Variants in EML1 observed in about 807,000 individuals in gnomAD.
The protein encoded by EML1 is EMAP like 1.
Under a neutral mutation model 110.4 loss-of-function variants are expected in EML1, and 27 were observed. The observed-to-expected ratio is 0.24, with a 90% confidence interval of 0.18 to 0.34. The LOEUF is 0.34. Among genes scored for constraint, EML1 ranks in the 10% least tolerant of loss-of-function variants. The pLI, the probability that EML1 is intolerant of heterozygous loss-of-function variation, is 1.00. For synonymous variants in EML1, 344 were observed against 385.8 expected (o/e 0.89, Z 1.27); for missense variants, 741 against 1,030.9 (o/e 0.72, Z 3.85).
Position 99,918,801 on chromosome 14 carries a change from C to T in EML1, c.1820+952C>T, listed in dbSNP as rs143643577. On this transcript the variant is annotated intron_variant, in intron 16 of 21. Coordinates refer to ENST00000262233, the MANE Select transcript of EML1 (RefSeq NM_004434.3). ...CTGTACCCTCGCCTAAGCCACACAG[C>T]GAGACCCCATCTCTAAAAAAAATTA... 2.4e-4 allele frequency among the ~76,000 whole-genome samples: 36 copies of T among 152,202 alleles called. No individual in the cohort carries two copies. In the East Asian group the frequency reaches 5.0e-3, roughly 21 times the overall value.
intron 1 of EML1, chr14:99,809,371 A>G (rs1250448961): frequency 1.2e-5 from 2 of 168,824 alleles, no homozygotes; most frequent in African/African-American, 4.8e-5. Context: ...CTTCTCCCTC[A>G]AAGCACAATC....
At chr14:99,833,638 C>T (rs2058495512) in intron 1 of EML1, among the ~76,000 whole-genome samples, 1 of 152,306 alleles carries the variant, frequency 6.6e-6, no homozygotes, top group East Asian at 1.9e-4. Context: ...CGGTATATCT[C>T]TCTGTTTATT....
At chr14:99,907,608 T>G (rs771752471) in intron 9 of EML1, 30 bp from the exon 10 acceptor site, 2 of 1,584,980 alleles carry the variant, frequency 1.3e-6, no homozygotes, top group Non-Finnish European at 1.7e-6. Context: ...TTCTCAGATA[T>G]AGTCTTCCTG....
intron 1 of EML1, among the ~76,000 whole-genome samples, chr14:99,825,638 C>G (rs145297930): frequency 2.0e-3 from 305 of 152,250 alleles, no homozygotes; most frequent in African/African-American, 6.9e-3. Flanking sequence ...TCCTGTCAGC[C>G]TCTGAACTCC....
chr14:99,903,779 C>T (rs2059797553), intron 9 of EML1, among the ~76,000 whole-genome samples: 1 of 122,494 alleles, frequency 8.2e-6, no homozygotes, highest in African/African-American at 3.3e-5. Flanking sequence ...ATAGATAAAT[C>T]TATTCATTTT....
chr14:99,835,626 C>T (rs1403231604), intron 1 of EML1, among the ~76,000 whole-genome samples: 2 of 152,138 alleles, frequency 1.3e-5, no homozygotes, highest in Non-Finnish European at 2.9e-5. Context: ...TCTTTCTAAG[C>T]GACAGCTCAC....
intron 1 of EML1, among the ~76,000 whole-genome samples, chr14:99,742,187 T>C (rs1324574904): frequency 6.6e-6 from 1 of 152,196 alleles, no homozygotes; most frequent in Non-Finnish European, 1.5e-5. Flanking sequence ...CCAGACTCCA[T>C]GCCCTGTGCC....
At chr14:99,881,585 A>C (rs190867822) in intron 4 of EML1, among the ~76,000 whole-genome samples, 2 of 149,614 alleles carry the variant, frequency 1.3e-5, no homozygotes, top group South Asian at 2.1e-4. Flanking sequence ...GCTTTCATAA[A>C]ACTATATTCT....
At chr14:99,810,120 G>T (rs536936259) in intron 1 of EML1, among the ~76,000 whole-genome samples, 9 of 152,132 alleles carry the variant, frequency 5.9e-5, no homozygotes, top group African/African-American at 1.9e-4. Flanking sequence ...GAAGCCTGGC[G>T]TGTAGGAAGC....
At chr14:99,864,129 A>G (rs1000143595) in intron 2 of EML1, among the ~76,000 whole-genome samples, 2 of 152,326 alleles carry the variant, frequency 1.3e-5, no homozygotes. Context: ...TGCCATCTGT[A>G]TATGTCTTCT....
intron 1 of EML1, among the ~76,000 whole-genome samples, chr14:99,825,136 A>G (rs138829762): frequency 1.6e-4 from 25 of 152,266 alleles, no homozygotes; most frequent in African/African-American, 5.5e-4. Flanking sequence ...GGTGTGTGCC[A>G]CTATGCTCGG....
At chr14:99,751,279 C>T (rs1335785187) in intron 1 of EML1, among the ~76,000 whole-genome samples, 1 of 151,942 alleles carries the variant, frequency 6.6e-6, no homozygotes, top group East Asian at 1.9e-4. Context: ...GGCAGGGCAG[C>T]CTTCCTGGAG....
chr14:99,898,452 T>C (rs1194569695), intron 8 of EML1, 150 bp downstream of exon 8: 1 of 749,026 alleles, frequency 1.3e-6, no homozygotes, highest in African/African-American at 1.8e-5. Context: ...TTATTGTAAA[T>C]TAGAAGACTT....
chr14:99,764,751 G>A (rs1447871739), intron 1 of EML1, among the ~76,000 whole-genome samples: 1 of 152,222 alleles, frequency 6.6e-6, no homozygotes, highest in Non-Finnish European at 1.5e-5. Flanking sequence ...AACCACAGGA[G>A]CTTGGAGCAG....
At chr14:99,896,146 T>C (rs2059667787) in intron 6 of EML1, among the ~76,000 whole-genome samples, 1 of 152,112 alleles carries the variant, frequency 6.6e-6, no homozygotes, top group African/African-American at 2.4e-5. Flanking sequence ...TTTCAGTCTA[T>C]GCAGATTTTA....
chr14:99,748,782 A>T (rs1309220024), intron 1 of EML1, among the ~76,000 whole-genome samples: 1 of 152,216 alleles, frequency 6.6e-6, no homozygotes, highest in African/African-American at 2.4e-5. Context: ...TCCGTCGTCC[A>T]CGGAAAAATC....
chr14:99,934,493 A>G (rs2060432190), intron 17 of EML1, among the ~76,000 whole-genome samples: 1 of 152,256 alleles, frequency 6.6e-6, no homozygotes, highest in South Asian at 2.1e-4. Context: ...CCTGCCTGGC[A>G]GAAGGAAAAT....
chr14:99,878,080 A>G lies in EML1; in HGVS notation c.384-405A>G, dbSNP rs538712833. On this transcript the variant is annotated intron_variant, in intron 3 of 21. Coordinates refer to ENST00000262233, the MANE Select transcript of EML1 (RefSeq NM_004434.3). ...TTTTTTTTTGTTTAATTCGTCGGCT[A>G]TCGTTAGCATTAGTATATTTTATAT... Among the ~76,000 whole-genome samples, 26 of 152,060 alleles carry G rather than the reference A, an allele frequency of 1.7e-4. 1 individual carries two copies. In the South Asian group the frequency reaches 3.7e-3, roughly 22 times the overall value.
intron 17 of EML1, among the ~76,000 whole-genome samples, chr14:99,929,794 G>A (rs1472328152): frequency 6.6e-6 from 1 of 152,212 alleles, no homozygotes; most frequent in Non-Finnish European, 1.5e-5. Context: ...GATCCCGGCC[G>A]AGATCTGTAG....
Sources: allele counts gnomAD v4.1 joint callset (sites outside exome capture counted in the v4.1 genomes callset), GRCh38; gene constraint gnomAD v4.1.1; transcripts MANE v1.5; gene names NCBI Gene and HGNC (gene_info 2026-07-23, HGNC 2026-07-21).